Variants in INO80E observed in about 807,000 individuals in gnomAD.
INO80E encodes coiled-coil domain containing 95.
A neutral mutation model predicts 27.3 loss-of-function variants in INO80E; 20 were observed. The ratio of observed to expected loss-of-function variants is 0.73; its 90% CI spans 0.51 to 1.06. The LOEUF is 1.06. Ranked by LOEUF, INO80E falls within the 50% of genes least tolerant of loss-of-function variation. The pLI, the probability that INO80E is intolerant of heterozygous loss-of-function variation, is 0.00. For synonymous variants in INO80E, 167 were observed against 145.9 expected (o/e 1.14, Z -1.04); for missense variants, 357 against 322.8 (o/e 1.11, Z -0.81).
At position 30,003,981 on chromosome 16, in the gene INO80E, G is replaced by A. The variant is rs2070446472; in HGVS notation, c.514-1240G>A. 6.6e-6 allele frequency: 1 copy of A among 152,228 alleles called. No homozygotes were observed. The highest frequency in any genetic ancestry group is 1.5e-5 in the Non-Finnish European group (1 of 68,124). The allele number at this position is 152,228 out of a possible 1,614,324, so 9.4% of individuals were successfully genotyped here. A position where few individuals can be genotyped will look rare whatever the true frequency, so the allele number is the denominator to read the frequency against. ...TATACCCTGAGGCCTGACCCACCCTGGCCCCCACACCACCCCAGCAGCGGA... is the reference window on the plus strand; with the variant it reads ...TATACCCTGAGGCCTGACCCACCCTAGCCCCCACACCACCCCAGCAGCGGA... On this transcript the variant is annotated intron_variant, in intron 6 of 6. Coordinates refer to ENST00000563197, the MANE Select transcript of INO80E (RefSeq NM_173618.3). This position sits in a 1 kb window ranked among gnomAD's most constrained non-coding sequence, Gnocchi z 4.4.
At position 29,996,323 on chromosome 16, in the gene INO80E, G is replaced by C. The variant is rs1304819642; in HGVS notation, c.13G>C (p.Ala5Pro). The C allele has an allele frequency of 6.3e-7, 1 of 1,595,512 alleles. No homozygotes were observed. The highest frequency in any genetic ancestry group is 8.5e-7 in the Non-Finnish European group (1 of 1,171,184). Residue 5 changes from alanine to proline, a missense_variant, in exon 1 of 7, where the codon GCG (alanine) becomes CCG (proline). Coordinates refer to ENST00000563197, the MANE Select transcript of INO80E (RefSeq NM_173618.3). ...TCCCGGGCCGGTCATGAACGGGCCG[G>C]CGGACGGCGAAGTGGACTACAAAAA... Reference protein sequence around the residue: MNGPADGEVDYKKKY... With the variant: MNGPPDGEVDYKKKY...
chr16:30,000,799 G>A lies in INO80E; in HGVS notation c.247G>A (p.Gly83Arg), dbSNP rs772544376. Residue 83 changes from glycine to arginine, a missense_variant, in exon 4 of 7, where the codon GGG becomes AGG. Coordinates refer to ENST00000563197, the MANE Select transcript of INO80E (RefSeq NM_173618.3). ...ATCATCAGATAACAGCGAGACGGAG[G>A]GGACACCCAAGTTGTCTGACACACC... ...TASSDNSETE[G>R]TPKLSDTPAP... 4 of 1,614,032 alleles carry A rather than the reference G, an allele frequency of 2.5e-6. No individual in the cohort carries two copies. Among genetic ancestry groups the A allele is most frequent in the African/African-American group, 1.3e-5 (1 of 74,922 alleles).
chr16:30,005,279 G>C lies in INO80E; in HGVS notation c.572G>C (p.Gly191Ala). ...GGGCCGCTGACCTTCCCTGGCCGGGGTTCTGGGGCTGGGGTCGGGACAACC... is the reference window on the plus strand; with the variant it reads ...GGGCCGCTGACCTTCCCTGGCCGGGCTTCTGGGGCTGGGGTCGGGACAACC... ...VGGPLTFPGRGSGAGVGTTLT... is the reference protein window; with the variant it reads ...VGGPLTFPGRASGAGVGTTLT... The change falls in exon 7 of 7, where the codon GGT becomes GCT. Residue 191 changes from glycine to alanine, a missense_variant. By Grantham distance (60) the Gly-to-Ala change is moderately conservative. Transcript: ENST00000563197. 2 of 1,488,836 alleles carry C rather than the reference G, an allele frequency of 1.3e-6. No individual in the cohort carries two copies. The highest frequency in any genetic ancestry group is 2.6e-5 in the South Asian group (2 of 75,754). The allele number at this position is 1,488,836 out of a possible 1,614,324, so 92.2% of individuals were successfully genotyped here.
chr16:29,996,749 C>T, intron 2 of INO80E, 59 bp from the exon 3 acceptor site: 1 of 1,600,842 alleles, frequency 6.2e-7, no homozygotes, highest in Non-Finnish European at 8.6e-7. Context: ...GGGACAGGTA[C>T]CCAGGAGGAC....
intron 2 of INO80E, 32 bp from the exon 3 acceptor site, chr16:29,996,776 A>G: frequency 6.2e-7 from 1 of 1,613,012 alleles, no homozygotes; most frequent in Non-Finnish European, 8.5e-7. Context: ...GCGCTGGAAA[A>G]TCACTGTCCG....
At chr16:29,996,683 C>T (rs1247977326) in intron 2 of INO80E, 66 bp downstream of exon 2, 2 of 1,584,912 alleles carry the variant, frequency 1.3e-6, no homozygotes, top group African/African-American at 2.7e-5. Context: ...GACCCCATCC[C>T]CGAGTAGGGC....
chr16:29,998,371 C>T (rs374981451), intron 3 of INO80E, among the ~76,000 whole-genome samples: 11 of 151,792 alleles, frequency 7.2e-5, no homozygotes, highest in African/African-American at 2.2e-4. Context: ...AATGCAGCTA[C>T]CCTGAGGTAA....
intron 3 of INO80E, among the ~76,000 whole-genome samples, chr16:29,997,773 C>T (rs914257955): frequency 4.0e-5 from 6 of 149,442 alleles, no homozygotes; most frequent in African/African-American, 1.2e-4. Context: ...AAAAAAACGC[C>T]CTTCTTAGCT....
intron 6 of INO80E, among the ~76,000 whole-genome samples, chr16:30,004,871 GC>G (rs1355261701): frequency 6.6e-6 from 1 of 152,162 alleles, no homozygotes; most frequent in Non-Finnish European, 1.5e-5. Context: ...CACCTCCGGG[GC>G]CGGCAGGCAG....
chr16:30,005,446 T>C lies in INO80E; in HGVS notation c.*4T>C. 2 of 1,592,588 alleles carry C rather than the reference T, an allele frequency of 1.3e-6. No individual in the cohort carries two copies. The highest frequency in any genetic ancestry group is 1.7e-6 in the Non-Finnish European group (2 of 1,170,334). On this transcript the variant is annotated 3_prime_UTR_variant, in exon 7 of 7. Coordinates refer to ENST00000563197, the MANE Select transcript of INO80E (RefSeq NM_173618.3). ...GGTGATCGACATCCCGGAGTGACCG[T>C]GACATCACGCCATGCCCACCACGGC... is the stretch of plus-strand genomic sequence containing the variant.
At position 29,996,818 on chromosome 16, in the gene INO80E, G is replaced by T; in HGVS notation, c.163G>T (p.Asp55Tyr). ...CTTCCCTCCCCTCAGTTTCCTCCTA[G>T]ACCGACTTCTGCAGTACGAGAACGT... The part of the protein sequence containing the change: ...KVSRDKSFLL[D>Y]RLLQYENVDE... The change falls in exon 3 of 7, where the codon GAC becomes TAC. Residue 55 changes from aspartate (D) to tyrosine (Y), a missense_variant. Asp to Tyr is a radical substitution (Grantham distance 160). Transcript: ENST00000563197. 1.2e-6 allele frequency: 2 copies of T among 1,614,142 alleles called. No homozygotes were observed. The highest frequency in any genetic ancestry group is 2.2e-5 in the South Asian group (2 of 91,074).
intron 6 of INO80E, chr16:30,001,888 GA>G (rs1442658064): frequency 3.0e-5 from 7 of 231,542 alleles, no homozygotes; most frequent in African/African-American, 2.3e-5. Context: ...CTGCCTGTTA[GA>G]AACCACGTGG....
intron 4 of INO80E, 37 bp from the exon 5 acceptor site, chr16:30,000,892 C>T (rs2070324216): frequency 1.2e-6 from 2 of 1,610,868 alleles, no homozygotes; most frequent in Admixed American, 1.7e-5. Flanking sequence ...CGCCTGGGCT[C>T]CTAGCCACAT....
intron 5 of INO80E, 116 bp downstream of exon 5, chr16:30,001,156 G>A: frequency 6.8e-7 from 1 of 1,472,318 alleles, no homozygotes; most frequent in Non-Finnish European, 9.0e-7. Flanking sequence ...TCTGGGTGTG[G>A]CCCAAGTGTC....
rs1317462009 is a variant in INO80E at position 30,005,590 on chromosome 16, C to T, written c.*148C>T. ...CAACCAGAAAAGGCGTAAACATGCACGGGTGTCCCCCAGGAGGGTGGCAGG... is the reference window on the plus strand; with the variant it reads ...CAACCAGAAAAGGCGTAAACATGCATGGGTGTCCCCCAGGAGGGTGGCAGG... On this transcript the variant is annotated 3_prime_UTR_variant, in exon 7 of 7. Coordinates refer to ENST00000563197, the MANE Select transcript of INO80E (RefSeq NM_173618.3). 4.4e-5 allele frequency: 34 copies of T among 774,174 alleles called. No homozygotes were observed. The Admixed American group carries it at 8.4e-4, about 19-fold the overall frequency. 48.0% of individuals were successfully genotyped at this position (774,174 alleles called of 1,614,324 possible). A position where few individuals can be genotyped will look rare whatever the true frequency, so the allele number is the denominator to read the frequency against.
chr16:30,004,499 G>T (rs149283474), intron 6 of INO80E: 2 of 153,044 alleles, frequency 1.3e-5, no homozygotes, highest in East Asian at 3.9e-4. Context: ...GCTGCCTGTC[G>T]TCCCGCAGGC....
intron 3 of INO80E, among the ~76,000 whole-genome samples, chr16:29,997,790 C>T (rs1418488206): frequency 2.7e-5 from 4 of 150,068 alleles, no homozygotes; most frequent in Admixed American, 2.7e-4. Flanking sequence ...AGCTTGCAGA[C>T]CACACAAGCA....
chr16:29,998,957 A>G (rs1186831051), intron 3 of INO80E, among the ~76,000 whole-genome samples: 2 of 151,892 alleles, frequency 1.3e-5, no homozygotes, highest in African/African-American at 2.4e-5. Context: ...AGGCAGAAGA[A>G]TGGTGTGAAC....
chr16:30,001,006 A>C lies in INO80E; in HGVS notation c.362A>C (p.Gln121Pro). The change falls in exon 5 of 7, where the codon CAG becomes CCG. Residue 121 changes from glutamine to proline, a missense_variant. Transcript: ENST00000563197. The stretch of plus-strand genomic sequence containing the variant: ...CCTCCTTCAACAGGGTTTCCCCTTC[A>C]GGCCTCCGGGGTCCCCTCCCCATAC... The part of the protein sequence containing the change: ...SLPPSTGFPL[Q>P]ASGVPSPYLS... The C allele has an allele frequency of 6.4e-7, 1 of 1,553,636 alleles. No individual in the cohort carries two copies. Among genetic ancestry groups the C allele is most frequent in the Non-Finnish European group, 8.7e-7 (1 of 1,148,504 alleles).
Sources: allele counts gnomAD v4.1 joint callset (sites outside exome capture counted in the v4.1 genomes callset), GRCh38; gene constraint gnomAD v4.1.1; non-coding constraint Gnocchi (gnomAD v3.1); transcripts MANE v1.5; gene names NCBI Gene and HGNC (gene_info 2026-07-23, HGNC 2026-07-21).